The following ST7 variants were observed in gnomAD, a reference collection of about 807,000 sequenced individuals.
ST7 encodes suppressor of tumorigenicity 7 protein.
ST7 carries 28 observed loss-of-function variants against 78.7 expected under a neutral mutation model. The observed-to-expected ratio is 0.36, with a 90% CI of 0.26 to 0.49. The LOEUF is 0.49. ST7 is among the 20% of genes least tolerant of loss of function. The pLI is 0.99. For synonymous variants in ST7, 247 were observed against 249.6 expected (o/e 0.99, Z 0.10); for missense variants, 418 against 696.0 (o/e 0.60, Z 4.49).
rs953618903 is a variant in ST7, at chr7:117,218,978, T to G, written c.1406-106T>G. ...TTGGTGGGGTAAGCCTTGCCTCCTT[T>G]GTAGAAGTGTTCCCTGTTATAAAAA... On this transcript the variant is annotated intron_variant, in intron 13 of 15. Transcript: ENST00000323984. 4.2e-5 allele frequency: 35 copies of G among 825,822 alleles called. No individual in the cohort carries two copies. In the African/African-American group the frequency reaches 5.5e-4, roughly 13 times the overall value. The allele number at this position is 825,822 out of a possible 1,614,324, so 51.2% of individuals were successfully genotyped here.
chr7:117,205,826 C>T (rs762500227), intron 12 of ST7, among the ~76,000 whole-genome samples: 2 of 152,142 alleles, frequency 1.3e-5, no homozygotes, highest in Non-Finnish European at 2.9e-5. Flanking sequence ...GTGATTTTAT[C>T]TGGGAAGGAA....
intron 15 of ST7, chr7:117,222,802 C>A: frequency 1.6e-6 from 2 of 1,267,492 alleles, no homozygotes; most frequent in Non-Finnish European, 1.2e-6. Context: ...GATTTCAAGG[C>A]GAGTGCAATC....
At chr7:117,227,155 A>G (rs1441882332) in intron 15 of ST7, among the ~76,000 whole-genome samples, 1 of 152,194 alleles carries the variant, frequency 6.6e-6, no homozygotes, top group East Asian at 1.9e-4. Context: ...TCTACAGCTC[A>G]AGGTGAGGCT....
chr7:117,117,891 A>G (rs573492957), intron 2 of ST7: 2 of 152,330 alleles, frequency 1.3e-5, no homozygotes, highest in Admixed American at 1.3e-4. Context: ...ACGTTCAGAT[A>G]ATAACTCACC....
intron 12 of ST7, among the ~76,000 whole-genome samples, chr7:117,193,678 A>G (rs1810007903): frequency 6.6e-6 from 1 of 152,218 alleles, no homozygotes; most frequent in Admixed American, 6.5e-5. Context: ...TCAATCCCTT[A>G]AGGACAATTC....
intron 13 of ST7, among the ~76,000 whole-genome samples, chr7:117,213,554 A>G (rs183354831): frequency 1.3e-5 from 2 of 152,038 alleles, no homozygotes; most frequent in African/African-American, 2.4e-5. Context: ...AATCAAGCTG[A>G]AAAAAAACCT....
intron 2 of ST7, among the ~76,000 whole-genome samples, chr7:117,100,595 T>C (rs1006904983): frequency 2.0e-5 from 3 of 152,150 alleles, no homozygotes; most frequent in Non-Finnish European, 2.9e-5. Context: ...AAGTTTTTTT[T>C]CCCTTCATCT....
At chr7:117,093,527 C>T (rs1012970366) in intron 1 of ST7, among the ~76,000 whole-genome samples, 3 of 152,056 alleles carry the variant, frequency 2.0e-5, no homozygotes, top group Non-Finnish European at 4.4e-5. Context: ...ATAGTGAAAC[C>T]CGCATCTCTA....
intron 1 of ST7, among the ~76,000 whole-genome samples, chr7:117,075,525 C>T (rs1317222824): frequency 6.6e-6 from 1 of 152,192 alleles, no homozygotes; most frequent in African/African-American, 2.4e-5. Flanking sequence ...CTGCCATCCA[C>T]TCCTCTGGAT....
intron 10 of ST7, among the ~76,000 whole-genome samples, chr7:117,187,352 G>A (rs1809358286): frequency 6.6e-6 from 1 of 152,006 alleles, no homozygotes; most frequent in South Asian, 2.1e-4. Flanking sequence ...ATATATTTTG[G>A]TTATTTTTTT....
chr7:117,225,440 A>G (rs895358091), intron 15 of ST7, among the ~76,000 whole-genome samples: 1 of 152,140 alleles, frequency 6.6e-6, no homozygotes, highest in Non-Finnish European at 1.5e-5. Flanking sequence ...ATTAAGGTCT[A>G]GCAGTTTCCA....
chr7:117,085,500 G>A (rs886307284), intron 1 of ST7, among the ~76,000 whole-genome samples: 3 of 152,136 alleles, frequency 2.0e-5, no homozygotes, highest in Admixed American at 6.5e-5. Context: ...TATGGCTAGC[G>A]TCTGTATGCA....
At chr7:117,005,503 C>A (rs1345673157) in intron 1 of ST7, among the ~76,000 whole-genome samples, 1 of 152,070 alleles carries the variant, frequency 6.6e-6, no homozygotes, top group South Asian at 2.1e-4. Flanking sequence ...CCAATTTTTA[C>A]AAATAGTTAT....
At chr7:117,058,941 C>T (rs775269062) in intron 1 of ST7, among the ~76,000 whole-genome samples, 10 of 152,028 alleles carry the variant, frequency 6.6e-5, no homozygotes, top group South Asian at 4.2e-4. Context: ...ATAAGCCAGG[C>T]GCAGAAAGAG....
intron 1 of ST7, among the ~76,000 whole-genome samples, chr7:117,067,078 G>A (rs935887892): frequency 6.6e-6 from 1 of 151,924 alleles, no homozygotes; most frequent in Admixed American, 6.6e-5. Context: ...ATGTATCAGT[G>A]CTCCGTTGCT....
At chr7:117,013,746 T>C (rs888596905) in intron 1 of ST7, among the ~76,000 whole-genome samples, 10 of 152,112 alleles carry the variant, frequency 6.6e-5, no homozygotes. Flanking sequence ...GGCAGGAGAA[T>C]TGCTTGAACC....
In ST7 at chr7:117,170,954, G is replaced by A. The variant is rs1807941554; in HGVS notation, c.1056G>A (p.Gln352=). The part of the protein sequence containing the change: ...LLELQAYADV[Q]AVLAKYDDIS... Reference sequence around the variant, plus strand: ...AACTACAAGCATATGCTGATGTTCAGGCAGTCTTAGCAAAGTATGATGGTA... The same window carrying A: ...AACTACAAGCATATGCTGATGTTCAAGCAGTCTTAGCAAAGTATGATGGTA... The change falls in exon 10 of 16, where the codon CAG becomes CAA. Residue 352 remains glutamine, a synonymous_variant. Coordinates refer to ENST00000323984, the MANE Select transcript of ST7 (RefSeq NM_001369598.1). 4 of 1,610,828 alleles carry A rather than the reference G, an allele frequency of 2.5e-6. No homozygotes were observed. The highest frequency in any genetic ancestry group is 3.4e-6 in the Non-Finnish European group (4 of 1,178,050).
At chr7:116,962,057 T>C (rs1303799076) in intron 1 of ST7, among the ~76,000 whole-genome samples, 2 of 152,134 alleles carry the variant, frequency 1.3e-5, no homozygotes, top group Non-Finnish European at 2.9e-5. Context: ...GTTCCTGTGT[T>C]AGTTTGCTGA....
chr7:116,969,142 C>A (rs1221793521), intron 1 of ST7, among the ~76,000 whole-genome samples: 1 of 152,192 alleles, frequency 6.6e-6, no homozygotes, highest in Non-Finnish European at 1.5e-5. Flanking sequence ...GTTTTTCAGA[C>A]TTTCCTTGTT....
Sources: gnomAD v4.1 joint callset for allele counts (sites outside exome capture counted in the v4.1 genomes callset) on GRCh38, gnomAD v4.1.1 for gene constraint, MANE v1.5 for transcripts, NCBI Gene and HGNC (gene_info 2026-07-23, HGNC 2026-07-21) for gene names.